Variants in BICD1 observed in about 807,000 individuals in gnomAD.
The protein encoded by BICD1 is BICD cargo adaptor 1.
Under a neutral mutation model 92.5 loss-of-function variants are expected in BICD1, and 35 were observed. The observed-to-expected ratio is 0.38, with a 90% CI of 0.29 to 0.50. The LOEUF (loss-of-function observed/expected upper bound fraction) is 0.50, where lower values mean the gene tolerates loss of function less well. Ranked by LOEUF, BICD1 falls within the 20% of genes least tolerant of loss-of-function variation. The probability of loss-of-function intolerance (pLI) is 0.93; values close to 1 mark genes in which losing one functional copy is unlikely to be tolerated. For synonymous variants in BICD1, 429 were observed against 465.1 expected, an observed-to-expected ratio of 0.92 and a Z score of 1.00; for missense variants, 950 against 1,189.8, an observed-to-expected ratio of 0.80 and a Z score of 2.97.
intron 9 of BICD1, among the ~76,000 whole-genome samples, chr12:32,374,885 C>A (rs934841491): frequency 2.9e-5 from 4 of 138,718 alleles, no homozygotes; most frequent in African/African-American, 1.1e-4. Flanking sequence ...CTATGCTTGG[C>A]CTAAGATTTT....
intron 2 of BICD1, among the ~76,000 whole-genome samples, chr12:32,266,500 CTG>C (rs1445656441): frequency 1.3e-5 from 2 of 152,114 alleles, no homozygotes; most frequent in East Asian, 3.9e-4. Flanking sequence ...TAAAAGCAAA[CTG>C]CCAAAAAATC....
rs77384920 is a variant in BICD1 at position 32,313,702 on chromosome 12, G to C, written c.1005+7580G>C. Among the ~76,000 whole-genome samples the C allele has an allele frequency of 6.6e-6, 1 of 152,138 alleles. No homozygotes were observed. The highest frequency in any genetic ancestry group is 2.1e-4 in the South Asian group (1 of 4,822). On this transcript the variant is annotated intron_variant, in intron 4 of 9. Coordinates refer to ENST00000652176, the MANE Select transcript of BICD1 (RefSeq NM_001714.4). The surrounding 1 kb of genome is among the most constrained non-coding windows in gnomAD (Gnocchi z 4.2). ...GTTAGAGATTACAAACTAGCTGGGCGCAGTGGCTCATACCTGTAATCCCAG... is the reference window on the plus strand; with the variant it reads ...GTTAGAGATTACAAACTAGCTGGGCCCAGTGGCTCATACCTGTAATCCCAG...
chr12:32,341,459 G>A (rs1231098825), intron 8 of BICD1, among the ~76,000 whole-genome samples: 1 of 110,942 alleles, frequency 9.0e-6, no homozygotes, highest in Admixed American at 8.7e-5. Context: ...GTGAGACACT[G>A]TCTCAAAAAA....
chr12:32,117,735 C>CATAT (rs71064997), intron 1 of BICD1, among the ~76,000 whole-genome samples: 25 of 134,512 alleles, frequency 1.9e-4, no homozygotes, highest in Non-Finnish European at 2.8e-4. Flanking sequence ...CACACACACA[C>CATAT]ATATATATAT....
chr12:32,294,829 C>G (rs1947821921), intron 3 of BICD1, among the ~76,000 whole-genome samples: 1 of 151,816 alleles, frequency 6.6e-6, no homozygotes, highest in Admixed American at 6.6e-5. Flanking sequence ...TGCCCGTAAT[C>G]CCAGCACTTT....
intron 1 of BICD1, among the ~76,000 whole-genome samples, chr12:32,129,524 C>CAA (rs756293470): frequency 0.32 from 26,677 of 82,388 alleles, 3,903 homozygotes; most frequent in Middle Eastern, 0.36. Flanking sequence ...GATTCCATCT[C>CAA]AAAAAAAAAA....
At chr12:32,154,881 A>C (rs1943393762) in intron 1 of BICD1, among the ~76,000 whole-genome samples, 1 of 152,168 alleles carries the variant, frequency 6.6e-6, no homozygotes, top group Non-Finnish European at 1.5e-5. Flanking sequence ...GGTTGTCGAT[A>C]AACCTCCTGC....
intron 2 of BICD1, among the ~76,000 whole-genome samples, chr12:32,280,306 C>T (rs1432789520): frequency 6.6e-6 from 1 of 152,080 alleles, no homozygotes; most frequent in African/African-American, 2.4e-5. Flanking sequence ...TGAAAGTCCT[C>T]ACAAGACAAT....
intron 2 of BICD1, among the ~76,000 whole-genome samples, chr12:32,264,698 A>G (rs1946944474): frequency 6.6e-6 from 1 of 152,162 alleles, no homozygotes; most frequent in South Asian, 2.1e-4. Flanking sequence ...ATTGTTGGCC[A>G]GGCTGGTCTC....
At chr12:32,271,344 C>T (rs1397844290) in intron 2 of BICD1, among the ~76,000 whole-genome samples, 1 of 152,122 alleles carries the variant, frequency 6.6e-6, no homozygotes, top group Non-Finnish European at 1.5e-5. Flanking sequence ...ATGCACAGTT[C>T]GTCTATTTGG....
chr12:32,373,610 C>A (rs966604527), intron 9 of BICD1, among the ~76,000 whole-genome samples: 2 of 152,030 alleles, frequency 1.3e-5, no homozygotes, highest in Non-Finnish European at 2.9e-5. Flanking sequence ...CAGCGGCTCA[C>A]GCCTGTAATC....
chr12:32,310,129 CA>C (rs1328823073), intron 4 of BICD1, among the ~76,000 whole-genome samples: 1 of 152,170 alleles, frequency 6.6e-6, no homozygotes, highest in Non-Finnish European at 1.5e-5. Context: ...TCCTTCTGAT[CA>C]AGTACCCCTT....
rs1940147578 is a variant in BICD1, at chr12:32,380,714, T to C, written c.*3087T>C. ...TCATATATCCAACTCTGGATTCTAA[T>C]AAAATAATTTGGAGAACTTTGAGAA... is the stretch of plus-strand genomic sequence containing the variant. On this transcript the variant is annotated 3_prime_UTR_variant, in exon 10 of 10. Transcript: ENST00000652176. 1 of 152,098 alleles carries C rather than the reference T, an allele frequency of 6.6e-6. No homozygotes were observed. Among genetic ancestry groups the C allele is most frequent in the Non-Finnish European group, 1.5e-5 (1 of 67,976 alleles). The allele number at this position is 152,098 out of a possible 1,614,324, so 9.4% of individuals were successfully genotyped here.
intron 1 of BICD1, among the ~76,000 whole-genome samples, chr12:32,177,140 C>A (rs536605034): frequency 6.6e-6 from 1 of 151,624 alleles, no homozygotes; most frequent in Admixed American, 6.6e-5. Flanking sequence ...CATGGTGAAA[C>A]CCCATCTCTA....
rs1335122028 is a variant in BICD1 at position 32,142,513 on chromosome 12, TAGC to T, written c.213+34972_213+34974del. On this transcript the variant is annotated intron_variant, in intron 1 of 9. Coordinates refer to ENST00000652176, the MANE Select transcript of BICD1 (RefSeq NM_001714.4). ...ATTGGTCTATCTATCTAGATAAAAA[TAGC>T]AGTCAACTAATTTTTCAAATTAAAA... 4.0e-5 allele frequency among the ~76,000 whole-genome samples: 6 copies of T among 150,796 alleles called. No individual in the cohort carries two copies. In the East Asian group the frequency reaches 8.0e-4, roughly 20 times the overall value.
intron 4 of BICD1, among the ~76,000 whole-genome samples, chr12:32,310,630 C>T (rs1267204166): frequency 1.3e-5 from 2 of 151,998 alleles, no homozygotes; most frequent in Non-Finnish European, 2.9e-5. Flanking sequence ...CGAATGACTA[C>T]GTGCAAGCAG....
chr12:32,347,844 GC>G (rs1938688474), intron 8 of BICD1, among the ~76,000 whole-genome samples: 1 of 151,986 alleles, frequency 6.6e-6, no homozygotes, highest in Non-Finnish European at 1.5e-5. Flanking sequence ...CTTATTTTAA[GC>G]AGAGAGTGCC....
chr12:32,274,243 G>A (rs1244902585), intron 2 of BICD1, among the ~76,000 whole-genome samples: 5 of 152,104 alleles, frequency 3.3e-5, no homozygotes, highest in African/African-American at 9.7e-5. Context: ...GAAAATCAGC[G>A]TGGCAGCCAA....
intron 4 of BICD1, among the ~76,000 whole-genome samples, chr12:32,311,722 A>G (rs1172657721): frequency 1.3e-5 from 2 of 152,196 alleles, no homozygotes; most frequent in Non-Finnish European, 2.9e-5. Context: ...AGCTGACTTC[A>G]GAGAGAGCAG....
Sources: allele counts gnomAD v4.1 joint callset (sites outside exome capture counted in the v4.1 genomes callset), GRCh38; gene constraint gnomAD v4.1.1; non-coding constraint Gnocchi (gnomAD v3.1); transcripts MANE v1.5; gene names NCBI Gene and HGNC (gene_info 2026-07-23, HGNC 2026-07-21).